Variants in WDR27 observed in about 807,000 individuals in gnomAD.
WDR27 encodes WD repeat-containing protein 27.
Under a neutral mutation model 114.4 loss-of-function variants are expected in WDR27, and 100 were observed. The ratio of observed to expected loss-of-function variants is 0.87; its 90% CI spans 0.74 to 1.03. The LOEUF (loss-of-function observed/expected upper bound fraction) is 1.03, where lower values mean the gene tolerates loss of function less well. Ranked by LOEUF, WDR27 falls within the 50% of genes least tolerant of loss-of-function variation. WDR27 has a pLI of 0.00. For missense variants in WDR27, 1,129 were observed against 1,092.9 expected (o/e 1.03, Z -0.47); for synonymous variants, 449 against 423.1 (o/e 1.06, Z -0.75).
the WDR27 span, among the ~76,000 whole-genome samples, chr6:169,430,719 T>C: frequency 1.3e-5 from 2 of 152,304 alleles, no homozygotes; most frequent in African/African-American, 2.4e-5. Context: ...TCATCTGTAA[T>C]AGTAATTATA....
At chr6:169,567,693 T>C (rs970217858) in intron 25 of WDR27, among the ~76,000 whole-genome samples, 3 of 152,102 alleles carry the variant, frequency 2.0e-5, no homozygotes, top group African/African-American at 7.2e-5. Context: ...GGAAGAAATT[T>C]TGGAAGCTCT....
intron 25 of WDR27, among the ~76,000 whole-genome samples, chr6:169,538,009 T>C (rs942039554): frequency 2.0e-5 from 3 of 148,968 alleles, no homozygotes; most frequent in Non-Finnish European, 4.4e-5. Flanking sequence ...AAGATTTTCT[T>C]CAAAATAAAT....
At chr6:169,640,138 C>T (rs373077439) in intron 17 of WDR27, among the ~76,000 whole-genome samples, 73 of 152,292 alleles carry the variant, frequency 4.8e-4, no homozygotes, top group African/African-American at 1.6e-3. Context: ...CCCCATTTTG[C>T]CTCCATAGCT....
chr6:169,638,465 A>C, intron 18 of WDR27, 74 bp downstream of exon 18: 2 of 1,557,866 alleles, frequency 1.3e-6, no homozygotes, highest in Non-Finnish European at 1.7e-6. Context: ...TGTTAAGGTA[A>C]AAGAATGAGA....
At chr6:169,621,602 C>T (rs867479666) in intron 21 of WDR27, among the ~76,000 whole-genome samples, 8 of 144,490 alleles carry the variant, frequency 5.5e-5, no homozygotes, top group Middle Eastern at 4.2e-3. Flanking sequence ...ATATACATAC[C>T]CACACATGCA....
chr6:169,457,523 C>G lies in WDR27; in HGVS notation c.*69G>C, dbSNP rs1048600800. 3 of 1,380,908 alleles carry G rather than the reference C, an allele frequency of 2.2e-6. No individual in the cohort carries two copies. The highest frequency in any genetic ancestry group is 2.9e-5 in the African/African-American group (2 of 68,058). The allele number at this position is 1,380,908 out of a possible 1,614,324, so 85.5% of individuals were successfully genotyped here. A position where few individuals can be genotyped will look rare whatever the true frequency, so the allele number is the denominator to read the frequency against. Reference sequence around the variant, plus strand: ...TTCTGGCCCCCTGATGGATGAACCACTACTTCTTACTTTTAAGTTGTTCCT... The same window carrying G: ...TTCTGGCCCCCTGATGGATGAACCAGTACTTCTTACTTTTAAGTTGTTCCT... On this transcript the variant is annotated 3_prime_UTR_variant, in exon 26 of 26. Transcript: ENST00000448612.
At chr6:169,630,187 T>C (rs1815991249) in intron 21 of WDR27, among the ~76,000 whole-genome samples, 1 of 152,252 alleles carries the variant, frequency 6.6e-6, no homozygotes, top group South Asian at 2.1e-4. Flanking sequence ...AGACATTGCA[T>C]TTTGAGAATA....
chr6:169,522,007 T>C (rs1316963229), intron 25 of WDR27, among the ~76,000 whole-genome samples: 2 of 151,996 alleles, frequency 1.3e-5, no homozygotes, highest in Non-Finnish European at 2.9e-5. Context: ...TGAATGTAAA[T>C]GGACTAAATT....
At chr6:169,630,921 G>T (rs904097353) in intron 21 of WDR27, among the ~76,000 whole-genome samples, 10 of 152,042 alleles carry the variant, frequency 6.6e-5, no homozygotes, top group African/African-American at 2.4e-4. Context: ...AATAAGGTGG[G>T]TATTAGGCTA....
At chr6:169,507,315 T>C (rs753894686) in intron 25 of WDR27, among the ~76,000 whole-genome samples, 3 of 152,152 alleles carry the variant, frequency 2.0e-5, no homozygotes, top group Non-Finnish European at 4.4e-5. Context: ...GTGTGTAAGA[T>C]TGTTTTGACT....
intron 25 of WDR27, among the ~76,000 whole-genome samples, chr6:169,461,660 AAAC>A (rs1784923368): frequency 3.3e-5 from 5 of 151,506 alleles, no homozygotes; most frequent in Admixed American, 6.6e-5. Flanking sequence ...AAAAAAAACA[AAAC>A]AAGAAGAGCC....
chr6:169,538,431 A>G (rs1239181780), intron 25 of WDR27, among the ~76,000 whole-genome samples: 2 of 152,216 alleles, frequency 1.3e-5, no homozygotes, highest in Non-Finnish European at 2.9e-5. Flanking sequence ...ATAACATGGA[A>G]GCAAAGCAAA....
chr6:169,510,980 G>C (rs1025015554), intron 25 of WDR27, among the ~76,000 whole-genome samples: 1 of 152,134 alleles, frequency 6.6e-6, no homozygotes, highest in African/African-American at 2.4e-5. Context: ...ACTAACGTTT[G>C]AATCACAAGC....
chr6:169,639,033 CTG>C, intron 17 of WDR27, among the ~76,000 whole-genome samples: 2 of 150,832 alleles, frequency 1.3e-5, no homozygotes, highest in South Asian at 4.2e-4. Context: ...GTGCTGGGTA[CTG>C]CGTGGTGCTG....
intron 25 of WDR27, among the ~76,000 whole-genome samples, chr6:169,528,527 A>G (rs1336350709): frequency 6.6e-6 from 1 of 152,160 alleles, no homozygotes; most frequent in Admixed American, 6.5e-5. Flanking sequence ...CATCTTTAAA[A>G]TAATATATAC....
intron 25 of WDR27, among the ~76,000 whole-genome samples, chr6:169,571,798 ACTGGACTCC>A (rs1464410100): frequency 1.1e-3 from 172 of 152,316 alleles, no homozygotes; most frequent in Non-Finnish European, 2.2e-3. Flanking sequence ...TGATCACACC[ACTGGACTCC>A]AGCCTGGGTG....
the WDR27 span, among the ~76,000 whole-genome samples, chr6:169,431,644 C>A: frequency 6.6e-6 from 1 of 152,226 alleles, no homozygotes; most frequent in African/African-American, 2.4e-5. Flanking sequence ...GGTTCATTTG[C>A]CCACTTGGAT....
intron 21 of WDR27, among the ~76,000 whole-genome samples, chr6:169,631,699 G>A (rs1343637707): frequency 6.6e-6 from 1 of 152,192 alleles, no homozygotes; most frequent in African/African-American, 2.4e-5. Flanking sequence ...GGTCTCTCAT[G>A]CTGCACCCGT....
At chr6:169,440,038 G>C in the WDR27 span, among the ~76,000 whole-genome samples, 1 of 151,390 alleles carries the variant, frequency 6.6e-6, no homozygotes, top group African/African-American at 2.4e-5. Flanking sequence ...CCTTGATTTG[G>C]CTTCCTAGCT....
Sources: gnomAD v4.1 joint callset for allele counts (sites outside exome capture counted in the v4.1 genomes callset) on GRCh38, gnomAD v4.1.1 for gene constraint, MANE v1.5 for transcripts, NCBI Gene and HGNC (gene_info 2026-07-23, HGNC 2026-07-21) for gene names.